Variants in KIAA0232 observed in about 807,000 individuals in gnomAD.
KIAA0232 encodes the protein KIAA0232.
Under a neutral mutation model 122.0 loss-of-function variants are expected in KIAA0232, and 27 were observed. The observed-to-expected ratio is 0.22, with a 90% CI of 0.16 to 0.31. The LOEUF (loss-of-function observed/expected upper bound fraction) is 0.31. KIAA0232 is among the 10% of genes least tolerant of loss of function. KIAA0232 has a pLI of 1.00. For synonymous variants in KIAA0232, 613 were observed against 587.6 expected, an observed-to-expected ratio of 1.04 and a Z score of -0.63; for missense variants, 1,551 against 1,634.2, an observed-to-expected ratio of 0.95 and a Z score of 0.88.
intron 2 of KIAA0232, among the ~76,000 whole-genome samples, chr4:6,823,337 C>T (rs901163016): frequency 6.6e-6 from 1 of 152,070 alleles, no homozygotes; most frequent in Non-Finnish European, 1.5e-5. Flanking sequence ...AGTTCTGGAT[C>T]CCTGAGGAAT....
At chr4:6,821,511 A>G (rs1295837325) in intron 2 of KIAA0232, among the ~76,000 whole-genome samples, 1 of 152,088 alleles carries the variant, frequency 6.6e-6, no homozygotes, top group Admixed American at 6.5e-5. Flanking sequence ...ACTTAGAATA[A>G]TGGTCTCTGG....
intron 1 of KIAA0232, among the ~76,000 whole-genome samples, chr4:6,802,952 G>A (rs1717451485): frequency 6.9e-6 from 1 of 144,240 alleles, no homozygotes; most frequent in African/African-American, 2.6e-5. Context: ...GAGGTCAAGA[G>A]TTCAGGACCA....
In KIAA0232 at chr4:6,862,625, G is replaced by A. The variant is rs1220661672; in HGVS notation, c.2243G>A (p.Arg748Lys). ...GAAGATATTAATTATGTAGTTCCTA[G>A]AGTCTCGTCAAATTATGTAGATGAA... ...NAEDINYVVP[R>K]VSSNYVDEEL... The change falls in exon 7 of 10, where the codon AGA becomes AAA. Residue 748 changes from arginine to lysine, a missense_variant. Physicochemically the swap from Arg to Lys is conservative, Grantham distance 26 (BLOSUM62 2). This residue lies in a region of KIAA0232 where 1,108 missense variants were observed against 1,154.8 expected (regional missense o/e 0.96). Coordinates refer to ENST00000307659, the MANE Select transcript of KIAA0232 (RefSeq NM_014743.3). 1 of 1,613,346 alleles carries A rather than the reference G, an allele frequency of 6.2e-7. No individual in the cohort carries two copies. The highest frequency in any genetic ancestry group is 8.5e-7 in the Non-Finnish European group (1 of 1,179,878).
intron 3 of KIAA0232, among the ~76,000 whole-genome samples, chr4:6,828,241 G>A (rs1000784465): frequency 6.6e-6 from 1 of 152,162 alleles, no homozygotes; most frequent in Non-Finnish European, 1.5e-5. Flanking sequence ...GGATGCAGTG[G>A]GGTTTACCTG....
rs889759877 is a variant in KIAA0232 at position 6,856,645 on chromosome 4, T to C, written c.370-519T>C. On this transcript the variant is annotated intron_variant, in intron 4 of 9. Transcript: ENST00000307659. ...ATATTGGCTTCATTTTCTGGACTTCTGTTGTTTTAATCATGAGTGTTCATG... is the reference window on the plus strand; with the variant it reads ...ATATTGGCTTCATTTTCTGGACTTCCGTTGTTTTAATCATGAGTGTTCATG... Among the ~76,000 whole-genome samples the C allele has an allele frequency of 3.3e-5, 5 of 151,424 alleles. 1 individual carries two copies. The highest frequency in any genetic ancestry group is 5.9e-5 in the Non-Finnish European group (4 of 67,964).
intron 2 of KIAA0232, among the ~76,000 whole-genome samples, chr4:6,819,321 C>T (rs1718305552): frequency 6.6e-6 from 1 of 151,862 alleles, no homozygotes; most frequent in South Asian, 2.1e-4. Flanking sequence ...ATATACAGAC[C>T]ACCTACAGAA....
chr4:6,794,407 C>T (rs1331642918), intron 1 of KIAA0232, among the ~76,000 whole-genome samples: 1 of 152,218 alleles, frequency 6.6e-6, no homozygotes, highest in African/African-American at 2.4e-5. Context: ...GTAGCAGCTT[C>T]TCTTGAAGGG....
chr4:6,814,449 T>A (rs2108989159), intron 2 of KIAA0232, among the ~76,000 whole-genome samples: 1 of 152,214 alleles, frequency 6.6e-6, no homozygotes, highest in Non-Finnish European at 1.5e-5. Context: ...TTTAAATAAT[T>A]ACTATTCTTC....
chr4:6,865,349 G>C (rs1721118047), intron 7 of KIAA0232, among the ~76,000 whole-genome samples: 1 of 152,198 alleles, frequency 6.6e-6, no homozygotes, highest in African/African-American at 2.4e-5. Flanking sequence ...GCCCAGGCTT[G>C]AGTGCAGTGG....
chr4:6,865,044 A>G (rs571902102), intron 7 of KIAA0232, among the ~76,000 whole-genome samples: 2 of 152,296 alleles, frequency 1.3e-5, no homozygotes, highest in Non-Finnish European at 2.9e-5. Context: ...TACAAAGTAC[A>G]TATTCCAGAA....
At chr4:6,843,763 C>G (rs965992533) in intron 4 of KIAA0232, among the ~76,000 whole-genome samples, 12 of 151,756 alleles carry the variant, frequency 7.9e-5, no homozygotes, top group African/African-American at 2.9e-4. Context: ...GAGGGAGACT[C>G]CATCTCAAGA....
At chr4:6,788,544 T>C (rs138132733) in intron 1 of KIAA0232, among the ~76,000 whole-genome samples, 3 of 152,380 alleles carry the variant, frequency 2.0e-5, no homozygotes, top group Admixed American at 2.0e-4. Flanking sequence ...ATTTTTTCCT[T>C]ATGACTTTTT....
At chr4:6,857,587 C>T (rs536061391) in intron 5 of KIAA0232, among the ~76,000 whole-genome samples, 1 of 152,152 alleles carries the variant, frequency 6.6e-6, no homozygotes, top group African/African-American at 2.4e-5. Context: ...TTTCCCCATC[C>T]TTGCCCCTCT....
At chr4:6,845,652 A>G (rs1315500669) in intron 4 of KIAA0232, among the ~76,000 whole-genome samples, 2 of 152,166 alleles carry the variant, frequency 1.3e-5, no homozygotes, top group African/African-American at 4.8e-5. Flanking sequence ...AATCCAAAGA[A>G]GCTGCTGAGT....
intron 2 of KIAA0232, among the ~76,000 whole-genome samples, chr4:6,807,032 G>GTCTA (rs71173468): frequency 0.1 from 14,527 of 145,664 alleles, 796 homozygotes; most frequent in Admixed American, 0.17. Flanking sequence ...CTGTCTGTCT[G>GTCTA]TCTATCTATC....
intron 3 of KIAA0232, among the ~76,000 whole-genome samples, chr4:6,837,731 G>A (rs1400426326): frequency 6.6e-6 from 1 of 152,208 alleles, no homozygotes; most frequent in African/African-American, 2.4e-5. Context: ...AGCCAACACG[G>A]CGAAACCCCG....
At chr4:6,792,037 CT>C (rs541400891) in intron 1 of KIAA0232, among the ~76,000 whole-genome samples, 60 of 152,282 alleles carry the variant, frequency 3.9e-4, no homozygotes, top group Non-Finnish European at 6.8e-4. Context: ...TAAGAGGTGA[CT>C]TTGCTCCTCC....
At chr4:6,865,953 G>A (rs1721156150) in intron 7 of KIAA0232, among the ~76,000 whole-genome samples, 1 of 152,050 alleles carries the variant, frequency 6.6e-6, no homozygotes, top group Non-Finnish European at 1.5e-5. Context: ...TTACTTATTT[G>A]TCGCATCAGA....
At chr4:6,828,996 T>A (rs1718834212) in intron 3 of KIAA0232, among the ~76,000 whole-genome samples, 1 of 151,860 alleles carries the variant, frequency 6.6e-6, no homozygotes, top group African/African-American at 2.4e-5. Context: ...TCATCTAGTA[T>A]CTAGTTTGAG....
Sources: gnomAD v4.1 joint callset for allele counts (sites outside exome capture counted in the v4.1 genomes callset) on GRCh38, gnomAD v4.1.1 for gene constraint, gnomAD v4.1.1 regional missense constraint, MANE v1.5 for transcripts, NCBI Gene and HGNC (gene_info 2026-07-23, HGNC 2026-07-21) for gene names.